The following SOS2 variants were observed in gnomAD, a reference collection of about 807,000 sequenced individuals.
SOS2 encodes SOS Ras/Rho guanine nucleotide exchange factor 2, also known as son of sevenless homolog 2.
Under a neutral mutation model 148.2 loss-of-function variants are expected in SOS2, and 65 were observed. That is an observed-to-expected ratio of 0.44 (90% CI 0.36 to 0.54). SOS2 has a LOEUF of 0.54. SOS2 is among the 20% of genes least tolerant of loss of function. The pLI, the probability that SOS2 is intolerant of heterozygous loss-of-function variation, is 0.00. For missense variants in SOS2, 1,341 were observed against 1,590.2 expected (o/e 0.84, Z 2.67); for synonymous variants, 539 against 537.1 (o/e 1.00, Z -0.05).
intron 21 of SOS2, among the ~76,000 whole-genome samples, chr14:50,129,756 T>A (rs1394677616): frequency 6.6e-6 from 1 of 152,218 alleles, no homozygotes; most frequent in African/African-American, 2.4e-5. Flanking sequence ...TTCAAGGCCA[T>A]ACAGCCCTTA....
At chr14:50,160,172 AAT>A in intron 9 of SOS2, 86 bp from the exon 10 acceptor site, 1 of 1,005,820 alleles carries the variant, frequency 9.9e-7, no homozygotes, top group Non-Finnish European at 1.4e-6. Context: ...AAGTGAGTAA[AAT>A]ATTAAATAAC....
intron 5 of SOS2, among the ~76,000 whole-genome samples, chr14:50,184,294 A>G (rs1056601844): frequency 1.2e-4 from 18 of 152,132 alleles, no homozygotes; most frequent in African/African-American, 4.3e-4. Context: ...TGGAAACATC[A>G]CGGGCTTTGG....
chr14:50,219,538 T>C (rs998194188), intron 1 of SOS2, among the ~76,000 whole-genome samples: 1 of 151,594 alleles, frequency 6.6e-6, no homozygotes, highest in South Asian at 2.1e-4. Context: ...TGGGGAGAAA[T>C]AGGAGGGAGA....
chr14:50,199,473 T>C (rs1347926539), intron 4 of SOS2, among the ~76,000 whole-genome samples: 1 of 152,166 alleles, frequency 6.6e-6, no homozygotes, highest in Non-Finnish European at 1.5e-5. Flanking sequence ...TTTTTTTTCT[T>C]GTAAGTAAAA....
chr14:50,189,852 T>TTA (rs1555321207), intron 4 of SOS2, among the ~76,000 whole-genome samples: 10 of 122,488 alleles, frequency 8.2e-5, no homozygotes, highest in South Asian at 7.1e-4. Context: ...TATTTTTTAT[T>TTA]TTTTTTTTTT....
At chr14:50,123,687 A>G (rs1883595866) in intron 21 of SOS2, among the ~76,000 whole-genome samples, 1 of 152,100 alleles carries the variant, frequency 6.6e-6, no homozygotes, top group Non-Finnish European at 1.5e-5. Context: ...CCGGCCCACC[A>G]GAGGGCTTTA....
At chr14:50,155,561 T>C (rs974843972) in intron 12 of SOS2, among the ~76,000 whole-genome samples, 8 of 152,170 alleles carry the variant, frequency 5.3e-5, no homozygotes, top group African/African-American at 1.9e-4. Context: ...ATCTTTGCTA[T>C]TCCTGAAATT....
chr14:50,121,552 T>C (rs1594953391), intron 21 of SOS2, among the ~76,000 whole-genome samples: 2 of 118,338 alleles, frequency 1.7e-5, no homozygotes, highest in Admixed American at 1.0e-4. Context: ...TCCTGTTGAC[T>C]CAGGGGGAAA....
At chr14:50,146,008 C>G (rs1884455707) in intron 14 of SOS2, among the ~76,000 whole-genome samples, 1 of 151,888 alleles carries the variant, frequency 6.6e-6, no homozygotes, top group Admixed American at 6.6e-5. Flanking sequence ...TGGCACCTGC[C>G]TGTAATCCCA....
At chr14:50,203,042 C>T (rs1318024993) in intron 2 of SOS2, among the ~76,000 whole-genome samples, 1 of 151,822 alleles carries the variant, frequency 6.6e-6, no homozygotes, top group Non-Finnish European at 1.5e-5. Flanking sequence ...GCCTGTAGTC[C>T]CAGCTACTCG....
intron 4 of SOS2, among the ~76,000 whole-genome samples, chr14:50,192,219 C>A (rs7160215): frequency 0.61 from 91,109 of 148,768 alleles, 28,475 homozygotes; most frequent in Non-Finnish European, 0.69. Context: ...AGTAATACTA[C>A]CATGAAAGAG....
At chr14:50,126,168 C>A (rs1222813155) in intron 21 of SOS2, among the ~76,000 whole-genome samples, 1 of 152,104 alleles carries the variant, frequency 6.6e-6, no homozygotes, top group Non-Finnish European at 1.5e-5. Context: ...CAAGAGACTA[C>A]AACTAATACA....
chr14:50,193,847 C>A (rs1886232751), intron 4 of SOS2, among the ~76,000 whole-genome samples: 1 of 151,804 alleles, frequency 6.6e-6, no homozygotes, highest in Non-Finnish European at 1.5e-5. Context: ...CAGGTTCAAG[C>A]AATTCTTGTG....
chr14:50,189,279 TG>T (rs1022085334), intron 4 of SOS2, among the ~76,000 whole-genome samples: 1 of 124,940 alleles, frequency 8.0e-6, no homozygotes, highest in African/African-American at 3.3e-5. Context: ...CTAATACATA[TG>T]TATATGTATA....
intron 5 of SOS2, among the ~76,000 whole-genome samples, chr14:50,185,564 C>T (rs1885881603): frequency 6.6e-6 from 1 of 151,852 alleles, no homozygotes; most frequent in Admixed American, 6.6e-5. Context: ...TGGTGGTGCA[C>T]ATCTCTAATC....
At chr14:50,221,986 C>T in intron 1 of SOS2, among the ~76,000 whole-genome samples, 1 of 151,982 alleles carries the variant, frequency 6.6e-6, no homozygotes, top group South Asian at 2.1e-4. Context: ...CTAAAAATAT[C>T]ATATTAGAAT....
chr14:50,118,103 T>C lies in SOS2; in HGVS notation c.*241A>G. On this transcript the variant is annotated 3_prime_UTR_variant, in exon 23 of 23. Coordinates refer to ENST00000216373, the MANE Select transcript of SOS2 (RefSeq NM_006939.4). ...TTACAGTGCAAATATAAATTCTTTA[T>C]ACTGGCCTTTTGGCAGCACTGAGGA... 1 of 456,292 alleles carries C rather than the reference T, an allele frequency of 2.2e-6. No individual in the cohort carries two copies. The highest frequency in any genetic ancestry group is 3.9e-6 in the Non-Finnish European group (1 of 258,508). The allele number at this position is 456,292 out of a possible 1,614,324, so 28.3% of individuals were successfully genotyped here.
chr14:50,134,910 C>A (rs914582043), intron 18 of SOS2, among the ~76,000 whole-genome samples: 4 of 151,282 alleles, frequency 2.6e-5, no homozygotes, highest in Non-Finnish European at 5.9e-5. Flanking sequence ...CCCATCTCTA[C>A]TAAAAATACA....
At position 50,189,331 on chromosome 14, in the gene SOS2, C is replaced by CAAAAAAAAAAAAAAAAAA. The variant is rs761860061; in HGVS notation, c.511-632_511-631insTTTTTTTTTTTTTTTTTT. ...ACACACACACACACACACATAATAG[C>CAAAAAAAAAAAAAAAAAA]AAAAAAAAAAAAAAAAAGCAAGCCT... is the stretch of plus-strand genomic sequence containing the variant. On this transcript the variant is annotated intron_variant, in intron 4 of 22. Transcript: ENST00000216373. Among the ~76,000 whole-genome samples the CAAAAAAAAAAAAAAAAAA allele has an allele frequency of 1.0e-3, 33 of 31,464 alleles. 8 individuals carry two copies. Among genetic ancestry groups the CAAAAAAAAAAAAAAAAAA allele is most frequent in the East Asian group, 2.3e-3 (2 of 870 alleles). The allele number at this position is 31,464 out of a possible 152,430, so 20.6% of individuals were successfully genotyped here.
Sources: allele counts gnomAD v4.1 joint callset (sites outside exome capture counted in the v4.1 genomes callset), GRCh38; gene constraint gnomAD v4.1.1; transcripts MANE v1.5; gene names NCBI Gene and HGNC (gene_info 2026-07-23, HGNC 2026-07-21).